Variants in NDUFAF6 observed in about 807,000 individuals in gnomAD.
NDUFAF6 encodes the protein NADH:ubiquinone oxidoreductase complex assembly factor 6, also known as NADH dehydrogenase (ubiquinone) complex I, assembly factor 6.
NDUFAF6 carries 45 observed loss-of-function variants against 40.8 expected under a neutral mutation model. The observed-to-expected ratio is 1.10, with a 90% CI of 0.87 to 1.42. The LOEUF is 1.42. Ranked by LOEUF, NDUFAF6 falls within the 40% of genes most tolerant of loss-of-function variation. The pLI is 0.00. For missense variants in NDUFAF6, 435 were observed against 418.5 expected, an observed-to-expected ratio of 1.04 and a Z score of -0.34; for synonymous variants, 185 against 155.9, an observed-to-expected ratio of 1.19 and a Z score of -1.39.
At chr8:94,915,432 G>A (rs1214020708) in intron 1 of NDUFAF6, among the ~76,000 whole-genome samples, 1 of 152,156 alleles carries the variant, frequency 6.6e-6, no homozygotes, top group Non-Finnish European at 1.5e-5. Context: ...AGTGTTCTGT[G>A]GTATATGTGT....
chr8:95,022,676 T>C (rs1827739702), upstream of NDUFAF6, among the ~76,000 whole-genome samples: 2 of 151,958 alleles, frequency 1.3e-5, no homozygotes, highest in South Asian at 4.1e-4. Context: ...AGGGATTCTT[T>C]TAACACATTT....
At chr8:95,094,031 C>T (rs528569399) in intron 2 of NDUFAF6, among the ~76,000 whole-genome samples, 26 of 152,168 alleles carry the variant, frequency 1.7e-4, no homozygotes, top group Admixed American at 1.4e-3. Flanking sequence ...AGTGCAGTGG[C>T]GTGATCTCGG....
intron 5 of NDUFAF6, among the ~76,000 whole-genome samples, chr8:95,046,515 A>T (rs542269789): frequency 2.6e-5 from 4 of 152,338 alleles, no homozygotes; most frequent in African/African-American, 9.6e-5. Flanking sequence ...AGAAGGTAAT[A>T]TATATCTCTA....
chr8:94,902,481 C>G (rs1340854264), intron 1 of NDUFAF6, among the ~76,000 whole-genome samples: 1 of 151,828 alleles, frequency 6.6e-6, no homozygotes, highest in East Asian at 1.9e-4. Context: ...TTGTGTAACC[C>G]AAACTCTTAT....
At chr8:94,934,311 G>A (rs1820751992) in intron 1 of NDUFAF6, among the ~76,000 whole-genome samples, 1 of 151,890 alleles carries the variant, frequency 6.6e-6, no homozygotes, top group South Asian at 2.1e-4. Context: ...CAAAGCTGCT[G>A]ACTACACACA....
At position 94,992,615 on chromosome 8, in the gene NDUFAF6, C is replaced by T. The variant is rs182807812; in HGVS notation, c.-84+11642C>T. Among the ~76,000 whole-genome samples the T allele has an allele frequency of 1.5e-4, 23 of 152,322 alleles. No homozygotes were observed. In the Middle Eastern group the frequency reaches 0.017, roughly 113 times the overall value. On this transcript the variant is annotated intron_variant, in intron 2 of 9. Coordinates refer to the NDUFAF6 transcript ENST00000396111. The stretch of plus-strand genomic sequence containing the variant: ...TTCCCTTCAACCAGTCCCAGTCTTT[C>T]CCATGTTGTGAATTATTTGGTGTGT...
Position 95,001,340 on chromosome 8 carries a change from G to A in NDUFAF6, c.-84+20367G>A, listed in dbSNP as rs558594335. 2.0e-5 allele frequency among the ~76,000 whole-genome samples: 3 copies of A among 152,100 alleles called. No homozygotes were observed. In the South Asian group the frequency reaches 6.2e-4, roughly 32 times the overall value. On this transcript the variant is annotated intron_variant, in intron 2 of 9. Transcript: ENST00000396111. ...TTCTGCTTGAATTTCTGACCCCCTG[G>A]GAAATCTTTTGGGGGAGTGTGACTC... is the stretch of plus-strand genomic sequence containing the variant.
intron 2 of NDUFAF6, among the ~76,000 whole-genome samples, chr8:94,999,413 C>T (rs1408931957): frequency 2.0e-5 from 3 of 151,980 alleles, no homozygotes; most frequent in Non-Finnish European, 4.4e-5. Context: ...TGAGCTGCCA[C>T]ACCCAGCCTC....
At chr8:95,116,685 G>T (rs780102610), downstream of NDUFAF6, among the ~76,000 whole-genome samples, 14 of 152,106 alleles carry the variant, frequency 9.2e-5, no homozygotes, top group Non-Finnish European at 1.8e-4. Context: ...ACCATATTTT[G>T]AAGTAAAAAG....
chr8:95,082,602 T>G (rs1587251932), intron 2 of NDUFAF6, among the ~76,000 whole-genome samples: 1 of 152,218 alleles, frequency 6.6e-6, no homozygotes, highest in East Asian at 1.9e-4. Flanking sequence ...GGAGGAGCTT[T>G]CATATGTTCA....
At chr8:95,095,132 G>A (rs1331085454) in intron 2 of NDUFAF6, among the ~76,000 whole-genome samples, 2 of 146,906 alleles carry the variant, frequency 1.4e-5, no homozygotes, top group African/African-American at 5.5e-5. Flanking sequence ...ATAGGAGAAA[G>A]ATTAAAAAAA....
chr8:94,976,914 G>A (rs577545340), intron 1 of NDUFAF6, among the ~76,000 whole-genome samples: 1 of 152,252 alleles, frequency 6.6e-6, no homozygotes, highest in Non-Finnish European at 1.5e-5. Flanking sequence ...ACTTTGGGAA[G>A]CCCAGTCAGG....
chr8:94,948,944 G>C (rs1822281350), intron 2 of NDUFAF6, among the ~76,000 whole-genome samples: 1 of 151,018 alleles, frequency 6.6e-6, no homozygotes, highest in Non-Finnish European at 1.5e-5. Flanking sequence ...TGGGCCCCGG[G>C]GGCCGCCGAG....
In NDUFAF6 at chr8:94,914,944, G is replaced by A. The variant is rs182845018; in HGVS notation, c.-936+19017G>A. Among the ~76,000 whole-genome samples, 6 of 152,070 alleles carry A rather than the reference G, an allele frequency of 3.9e-5. No homozygotes were observed. In the East Asian group the frequency reaches 5.8e-4, roughly 15 times the overall value. ...GCTATTTATTTATTTTAGCTTCATC[G>A]GGTACATGTGCAGGTTTGTTACATG... is the stretch of plus-strand genomic sequence containing the variant. On this transcript the variant is annotated intron_variant, in intron 1 of 14. Coordinates refer to the NDUFAF6 transcript ENST00000396113.
At chr8:95,081,185 G>A (rs940404609) in intron 2 of NDUFAF6, among the ~76,000 whole-genome samples, 1 of 75,524 alleles carries the variant, frequency 1.3e-5, no homozygotes, top group Non-Finnish European at 2.3e-5. Context: ...TTTTTTTTGA[G>A]GTGGAGTCTT....
chr8:94,972,242 A>AT (rs994878093), intron 1 of NDUFAF6, among the ~76,000 whole-genome samples: 41 of 150,316 alleles, frequency 2.7e-4, no homozygotes, highest in South Asian at 1.3e-3. Flanking sequence ...ATACAACATG[A>AT]TTTTTTTTTT....
chr8:95,041,929 T>C (rs1238362054), intron 4 of NDUFAF6, among the ~76,000 whole-genome samples: 3 of 152,102 alleles, frequency 2.0e-5, no homozygotes, highest in Non-Finnish European at 2.9e-5. Context: ...GTGTAGAGTA[T>C]CTGGTGACAT....
chr8:94,937,253 A>G (rs763340276), intron 1 of NDUFAF6, among the ~76,000 whole-genome samples: 12 of 152,070 alleles, frequency 7.9e-5, no homozygotes, highest in Non-Finnish European at 1.3e-4. Flanking sequence ...CTAGCCTGGC[A>G]AATATGGTGA....
chr8:95,029,399 G>T (rs1372411459), intron 1 of NDUFAF6, among the ~76,000 whole-genome samples: 1 of 152,026 alleles, frequency 6.6e-6, no homozygotes, highest in Non-Finnish European at 1.5e-5. Context: ...AACATTTAAG[G>T]ATAAGATGCA....
Sources: allele counts gnomAD v4.1 joint callset (sites outside exome capture counted in the v4.1 genomes callset), GRCh38; gene constraint gnomAD v4.1.1; transcripts MANE v1.5; gene names NCBI Gene and HGNC (gene_info 2026-07-23, HGNC 2026-07-21).